Variants in COG2 observed in about 807,000 individuals in gnomAD.
COG2 encodes conserved oligomeric Golgi complex subunit 2.
A neutral mutation model predicts 90.6 loss-of-function variants in COG2; 52 were observed. The observed-to-expected ratio is 0.57, with a 90% confidence interval of 0.46 to 0.72. The LOEUF is 0.72. Among genes scored for constraint, COG2 ranks in the 30% least tolerant of loss-of-function variants. The pLI, the probability that COG2 is intolerant of heterozygous loss-of-function variation, is 0.00. For synonymous variants in COG2, 337 were observed against 320.4 expected (o/e 1.05, Z -0.55); for missense variants, 829 against 891.2 (o/e 0.93, Z 0.89).
Position 230,678,896 on chromosome 1 carries a change from CTTTTG to C in COG2, c.1027-12_1027-8del, listed in dbSNP as rs754640938. 7 of 1,604,614 alleles carry C rather than the reference CTTTTG, an allele frequency of 4.4e-6. No homozygotes were observed. Among genetic ancestry groups the C allele is most frequent in the East Asian group, 2.2e-5 (1 of 44,714 alleles). On this transcript the variant is annotated splice_polypyrimidine_tract_variant and intron_variant, in intron 9 of 17. Transcript: ENST00000366669. ...TAGTGTTCTAATAATGAAAATTTTCCTTTTGTTTTATTTTAGAAATATACCATAAG... is the reference window on the plus strand; with the variant it reads ...TAGTGTTCTAATAATGAAAATTTTCCTTTTATTTTAGAAATATACCATAAG...
At chr1:230,677,893 AG>A (rs1394365818) in intron 9 of COG2, 4 of 275,828 alleles carry the variant, frequency 1.5e-5, no homozygotes, top group African/African-American at 2.3e-5. Context: ...CATTATATGC[AG>A]AGGTATAGTT....
In COG2 at chr1:230,691,474, C is replaced by A; in HGVS notation, c.2025C>A (p.Pro675=). The stretch of plus-strand genomic sequence containing the variant: ...TGAAACAAGCCAGAAAAACCACTCC[C>A]GCCAACCCCGTCGGTCCCAGTGGTG... ...KRLKQARKTT[P]ANPVGPSGGM... is the part of the protein sequence containing the mutation. Residue 675 remains proline, a synonymous_variant, in exon 17 of 18, where the codon CCC becomes CCA. Transcript: ENST00000366669. 1 of 1,614,104 alleles carries A rather than the reference C, an allele frequency of 6.2e-7. No homozygotes were observed. Among genetic ancestry groups the A allele is most frequent in the Non-Finnish European group, 8.5e-7 (1 of 1,180,032 alleles).
rs200673717 is a variant in COG2, at chr1:230,664,581, C to G, written c.479C>G (p.Ala160Gly). ...TCTAAAGAAACCTCTGCACTAGAAG[C>G]AAGCAGGTAAGTATTTTTTATTAAA... ...QSSKETSALE[A>G]SSPLLTGQIL... The change falls in exon 5 of 18, where the codon GCA becomes GGA. Residue 160 changes from alanine to glycine, a missense_variant. By Grantham distance (60) the Ala-to-Gly change is moderately conservative. Coordinates refer to ENST00000366669, the MANE Select transcript of COG2 (RefSeq NM_007357.3). 6.7e-7 allele frequency: 1 copy of G among 1,500,350 alleles called. No homozygotes were observed. The highest frequency in any genetic ancestry group is 9.0e-7 in the Non-Finnish European group (1 of 1,105,032). 92.9% of individuals were successfully genotyped at this position (1,500,350 alleles called of 1,614,324 possible). A position where few individuals can be genotyped will look rare whatever the true frequency, so the allele number is the denominator to read the frequency against.
rs1470507902 is a variant in COG2, at chr1:230,642,531, G to GGCCGCC, written c.-74_-69dup. On this transcript the variant is annotated 5_prime_UTR_variant, in exon 1 of 18. Coordinates refer to ENST00000366669, the MANE Select transcript of COG2 (RefSeq NM_007357.3). ...TGCCGTGGAAACTGGCGGTGGCCGC[G>GGCCGCC]GCCGCCGAGTCGGTCTGCGCAGCCT... The GGCCGCC allele has an allele frequency of 2.7e-6, 4 of 1,460,314 alleles. No homozygotes were observed. Among genetic ancestry groups the GGCCGCC allele is most frequent in the African/African-American group, 1.4e-5 (1 of 71,218 alleles). The allele number at this position is 1,460,314 out of a possible 1,614,324, so 90.5% of individuals were successfully genotyped here.
In COG2 at chr1:230,644,493, G is replaced by T. The variant is rs552699629; in HGVS notation, c.72+1815G>T. Among the ~76,000 whole-genome samples, 62 of 152,348 alleles carry T rather than the reference G, an allele frequency of 4.1e-4. 2 individuals carry two copies. The highest frequency in any genetic ancestry group is 3.9e-3 in the Admixed American group (59 of 15,312). ...GTAATTGGATAGGTTTTGTACGTGT[G>T]AGAAAGTTGGGATATGACATTTGCA... is the stretch of plus-strand genomic sequence containing the variant. On this transcript the variant is annotated intron_variant, in intron 1 of 17. Coordinates refer to ENST00000366669, the MANE Select transcript of COG2 (RefSeq NM_007357.3).
In COG2 at chr1:230,664,539, T is replaced by C; in HGVS notation, c.437T>C (p.Ile146Thr). 1 of 1,584,724 alleles carries C rather than the reference T, an allele frequency of 6.3e-7. No homozygotes were observed. The highest frequency in any genetic ancestry group is 8.6e-7 in the Non-Finnish European group (1 of 1,163,182). Reference sequence around the variant, plus strand: ...CGGTCAGTTGAGAAAATTGAAAAAATCTTAAACTCTCAAAGTTCTAAAGAA... The same window carrying C: ...CGGTCAGTTGAGAAAATTGAAAAAACCTTAAACTCTCAAAGTTCTAAAGAA... ...VIRSVEKIEK[I>T]LNSQSSKETS... Residue 146 changes from isoleucine to threonine, a missense_variant, in exon 5 of 18, where the codon ATC becomes ACC. Physicochemically the swap from Ile to Thr is moderately conservative, Grantham distance 89 (BLOSUM62 -1). Coordinates refer to ENST00000366669, the MANE Select transcript of COG2 (RefSeq NM_007357.3).
At chr1:230,648,541 A>G (rs571877138) in intron 1 of COG2, among the ~76,000 whole-genome samples, 6 of 152,282 alleles carry the variant, frequency 3.9e-5, no homozygotes, top group African/African-American at 1.4e-4. Flanking sequence ...GTACCATTGG[A>G]CATACACAGT....
intron 12 of COG2, among the ~76,000 whole-genome samples, chr1:230,686,234 C>G (rs962252387): frequency 8.5e-5 from 13 of 152,198 alleles, no homozygotes; most frequent in Non-Finnish European, 1.9e-4. Context: ...GTTTGTGTTT[C>G]CCTTTTGCCT....
At chr1:230,658,473 G>A (rs1011955618) in intron 1 of COG2, among the ~76,000 whole-genome samples, 1 of 152,158 alleles carries the variant, frequency 6.6e-6, no homozygotes, top group Non-Finnish European at 1.5e-5. Flanking sequence ...GCTCTCCTGT[G>A]TGAAGTGTCT....
intron 9 of COG2, among the ~76,000 whole-genome samples, chr1:230,677,652 T>A (rs1214766738): frequency 6.6e-6 from 1 of 152,256 alleles, no homozygotes; most frequent in African/African-American, 2.4e-5. Flanking sequence ...TACAATTTGC[T>A]GTGTGCTTTA....
Position 230,691,542 on chromosome 1 carries a change from A to T in COG2, c.2093A>T (p.Asp698Val), listed in dbSNP as rs775846160. 1 of 1,613,942 alleles carries T rather than the reference A, an allele frequency of 6.2e-7. No homozygotes were observed. Residue 698 changes from aspartate to valine, a missense_variant, in exon 17 of 18, where the codon GAT (aspartate) becomes GTT (valine). Transcript: ENST00000366669. ...DDKIRLQLAL[D>V]VEYLGEQIQK... ...AAAATCAGGCTGCAGTTGGCCCTAGATGTTGAGTACTTGGGAGAGCAGGTA... is the reference window on the plus strand; with the variant it reads ...AAAATCAGGCTGCAGTTGGCCCTAGTTGTTGAGTACTTGGGAGAGCAGGTA...
intron 9 of COG2, chr1:230,678,205 A>G: frequency 1.0e-6 from 1 of 985,400 alleles, no homozygotes; most frequent in Non-Finnish European, 1.2e-6. Flanking sequence ...GTTTTGGTCA[A>G]CTGACTGACT....
At chr1:230,693,126 C>T (rs1558282171) in intron 17 of COG2, among the ~76,000 whole-genome samples, 166 bp from the exon 18 acceptor site, 2 of 152,178 alleles carry the variant, frequency 1.3e-5, no homozygotes. Context: ...AAAATCCTCA[C>T]ATTTTACAAC....
At chr1:230,668,944 A>C in intron 6 of COG2, 160 bp downstream of exon 6, 1 of 522,978 alleles carries the variant, frequency 1.9e-6, no homozygotes, top group Admixed American at 3.7e-5. Flanking sequence ...AGTGTCACAC[A>C]TTATAGATTT....
At position 230,688,437 on chromosome 1, in the gene COG2, C is replaced by T. The variant is rs1395808130; in HGVS notation, c.1669C>T (p.Gln557Ter). 1 of 1,613,958 alleles carries T rather than the reference C, an allele frequency of 6.2e-7. No individual in the cohort carries two copies. The highest frequency in any genetic ancestry group is 1.3e-5 in the African/African-American group (1 of 75,030). Reference sequence around the variant, plus strand: ...CTCAACAGCAGCCCTGGAGGACTCCCAGAGCTCTTTTTCAGCCTGTGTGCC... The same window carrying T: ...CTCAACAGCAGCCCTGGAGGACTCCTAGAGCTCTTTTTCAGCCTGTGTGCC... ...SSISAALEDS[Q>*]SSFSACVPSL... Residue 557 changes from glutamine to a stop codon, truncating the protein, a stop_gained, in exon 15 of 18, where the codon CAG (glutamine) becomes TAG (stop). Transcript: ENST00000366669. LOFTEE classifies it high-confidence loss of function.
intron 2 of COG2, 107 bp from the exon 3 acceptor site, chr1:230,660,651 G>A (rs1464576332): frequency 1.7e-6 from 1 of 589,982 alleles, no homozygotes; most frequent in East Asian, 3.1e-5. Flanking sequence ...TCATTTTGTT[G>A]TACAGAAAGA....
rs1257039188 is a variant in COG2 at position 230,648,038 on chromosome 1, G to C, written c.72+5360G>C. On this transcript the variant is annotated intron_variant, in intron 1 of 17. Transcript: ENST00000366669. The stretch of plus-strand genomic sequence containing the variant: ...AGGGCCATTATCTCATGACTCCCAG[G>C]CTTCAGTACTGGAAAAATAATCGTG... 2.6e-5 allele frequency among the ~76,000 whole-genome samples: 4 copies of C among 152,122 alleles called. No individual in the cohort carries two copies. In the East Asian group the frequency reaches 5.8e-4, roughly 22 times the overall value.
chr1:230,685,014 T>C, intron 11 of COG2, 71 bp from the exon 12 acceptor site: 1 of 925,606 alleles, frequency 1.1e-6, no homozygotes, highest in Non-Finnish European at 1.6e-6. Context: ...ACATCGGAAG[T>C]CTCACATTAG....
At chr1:230,683,691 A>G (rs1205766359) in intron 11 of COG2, 56 bp downstream of exon 11, 2 of 1,181,296 alleles carry the variant, frequency 1.7e-6, no homozygotes, top group East Asian at 2.3e-5. Flanking sequence ...CATTCAGTTC[A>G]CCAAGTCATC....
Sources: allele counts gnomAD v4.1 joint callset (sites outside exome capture counted in the v4.1 genomes callset), GRCh38; gene constraint gnomAD v4.1.1; transcripts MANE v1.5; gene names NCBI Gene and HGNC (gene_info 2026-07-23, HGNC 2026-07-21).